CLEC4A: variants seen among roughly 807,000 people sequenced by gnomAD.
CLEC4A encodes the protein C-type (calcium dependent, carbohydrate-recognition domain) lectin, superfamily member 6.
In CLEC4A, 27 loss-of-function variants were observed where a neutral mutation model predicts 32.7. The observed-to-expected ratio is 0.83, with a 90% CI of 0.61 to 1.14. The LOEUF (loss-of-function observed/expected upper bound fraction) is 1.14, where lower values mean the gene tolerates loss of function less well. CLEC4A is among the 50% of genes most tolerant of loss of function. The probability of loss-of-function intolerance (pLI) is 0.00; values close to 1 mark genes in which losing one functional copy is unlikely to be tolerated. For synonymous variants in CLEC4A, 89 were observed against 93.7 expected (o/e 0.95, Z 0.29); for missense variants, 253 against 274.6 (o/e 0.92, Z 0.55).
chr12:8,117,243 T>C, the CLEC4A span, among the ~76,000 whole-genome samples: 3 of 141,514 alleles, frequency 2.1e-5, no homozygotes, highest in African/African-American at 7.9e-5. Flanking sequence ...TTTTTTTTTT[T>C]GTTTTTGTTT....
chr12:8,123,944 C>CA lies in CLEC4A; in HGVS notation c.67dup (p.Thr23AsnfsTer17), dbSNP rs1947859860. ...ATGAATTCAAGTCCTCAGGCATCAA[C>CA]ACAGCCTCTTCTGCAGGTAAAGATC... On this transcript the variant is annotated frameshift_variant, in exon 1 of 6. Transcript: ENST00000229332. LOFTEE classifies it high-confidence loss of function. 5 of 1,608,650 alleles carry CA rather than the reference C, an allele frequency of 3.1e-6. No individual in the cohort carries two copies. In the East Asian group the frequency reaches 1.1e-4, roughly 36 times the overall value.
chr12:8,111,509 C>T, the CLEC4A span, among the ~76,000 whole-genome samples: 3 of 152,152 alleles, frequency 2.0e-5, no homozygotes, highest in African/African-American at 7.2e-5. Context: ...CATTCTCTCT[C>T]TGTGTGTATC....
At chr12:8,103,350 T>C in the CLEC4A span, among the ~76,000 whole-genome samples, 1 of 29,730 alleles carries the variant, frequency 3.4e-5, no homozygotes, top group Admixed American at 7.4e-4. Context: ...TAAGAACTAC[T>C]AGTTGTTTCT....
chr12:8,123,656 T>C lies in CLEC4A; in HGVS notation c.-223T>C. The C allele has an allele frequency of 2.0e-6, 1 of 510,264 alleles. No individual in the cohort carries two copies. Among genetic ancestry groups the C allele is most frequent in the South Asian group, 2.5e-5 (1 of 40,516 alleles). The allele number at this position is 510,264 out of a possible 1,614,324, so 31.6% of individuals were successfully genotyped here. On this transcript the variant is annotated 5_prime_UTR_variant, in exon 1 of 6. Transcript: ENST00000229332. ...GCTGTGATTCTCACTATACTGGTCCTGAGGAAAGGGCTTCTGTGAACTGCG... is the reference window on the plus strand; with the variant it reads ...GCTGTGATTCTCACTATACTGGTCCCGAGGAAAGGGCTTCTGTGAACTGCG...
At chr12:8,117,420 G>A in the CLEC4A span, among the ~76,000 whole-genome samples, 2 of 152,030 alleles carry the variant, frequency 1.3e-5, no homozygotes, top group African/African-American at 4.8e-5. Flanking sequence ...TGTATTTTTA[G>A]TAGAGATGGG....
At chr12:8,134,568 G>A (rs1318698599) in intron 3 of CLEC4A, 15 of 1,613,542 alleles carry the variant, frequency 9.3e-6, no homozygotes, top group East Asian at 2.2e-5. Context: ...TTCGCCCTCA[G>A]GCTGAGAGGT....
At chr12:8,129,465 G>A (rs907545137) in intron 3 of CLEC4A, 103 bp downstream of exon 3, 1 of 777,996 alleles carries the variant, frequency 1.3e-6, no homozygotes, top group South Asian at 1.6e-5. Flanking sequence ...CTGAAAAGTT[G>A]AGTCTCACAA....
chr12:8,134,782 C>T (rs1198100954), intron 3 of CLEC4A: 1 of 1,552,806 alleles, frequency 6.4e-7, no homozygotes, highest in Admixed American at 1.9e-5. Context: ...GGCTCCGGCC[C>T]CCCTGGCCCA....
chr12:8,137,392 C>A (rs1948141137), intron 5 of CLEC4A, among the ~76,000 whole-genome samples: 1 of 152,140 alleles, frequency 6.6e-6, no homozygotes, highest in Non-Finnish European at 1.5e-5. Flanking sequence ...GATCCTCCCA[C>A]CCAAGTCTTC....
chr12:8,121,169 G>A (rs2024303), upstream of CLEC4A: 80,370 of 152,112 alleles, frequency 0.53, 24,105 homozygotes, highest in Non-Finnish European at 0.68. Context: ...TTGGTGATAC[G>A]GTGTAATCCA....
At position 8,138,164 on chromosome 12, in the gene CLEC4A, T is replaced by C. The variant is rs371672409; in HGVS notation, c.591T>C (p.Ser197=). The change falls in exon 6 of 6, where the codon AGT becomes AGC. Residue 197 remains serine (S), a synonymous_variant. Coordinates refer to ENST00000229332, the MANE Select transcript of CLEC4A (RefSeq NM_016184.4). ...GATTCTGGCATCCACGTGAGCCCAGTGATCCCAATGAGCGCTGCGTTGTGC... is the reference window on the plus strand; with the variant it reads ...GATTCTGGCATCCACGTGAGCCCAGCGATCCCAATGAGCGCTGCGTTGTGC... ...SSTFWHPREP[S]DPNERCVVLN... The C allele has an allele frequency of 2.0e-5, 32 of 1,613,964 alleles. No homozygotes were observed. In the African/African-American group the frequency reaches 4.0e-4, roughly 20 times the overall value.
rs1429202785 is a variant in CLEC4A at position 8,125,634 on chromosome 12, A to G, written c.156A>G (p.Ile52Met). 1.9e-6 allele frequency: 3 copies of G among 1,613,074 alleles called. No homozygotes were observed. The African/African-American group carries it at 4.0e-5, about 22-fold the overall frequency. ...FPKLLCASLL[I>M]FFLLLAISFF... ...AGCTGCTTTGTGCCTCACTGTTGAT[A>G]TTTTTCCTGCTATTGGCAATCTCAT... is the stretch of plus-strand genomic sequence containing the variant. The change falls in exon 2 of 6, where the codon ATA (isoleucine) becomes ATG (methionine). Residue 52 changes from isoleucine (I) to methionine (M), a missense_variant. Ile to Met is a conservative substitution (Grantham distance 10). Coordinates refer to ENST00000229332, the MANE Select transcript of CLEC4A (RefSeq NM_016184.4).
chr12:8,117,699 A>G, the CLEC4A span, among the ~76,000 whole-genome samples: 4 of 152,322 alleles, frequency 2.6e-5, no homozygotes, highest in East Asian at 5.8e-4. Context: ...AGATTGGATA[A>G]TAAATCTCAA....
intron 1 of CLEC4A, 124 bp from the exon 2 acceptor site, chr12:8,125,437 T>A: frequency 1.6e-6 from 1 of 623,054 alleles, no homozygotes; most frequent in East Asian, 2.7e-5. Context: ...TCTCATGTGA[T>A]TTCAAATGTC....
intron 5 of CLEC4A, 122 bp from the exon 6 acceptor site, chr12:8,138,018 G>T: frequency 9.6e-7 from 1 of 1,036,294 alleles, no homozygotes; most frequent in Non-Finnish European, 1.4e-6. Flanking sequence ...TAGCAGAAAG[G>T]TGGATTTGGG....
chr12:8,114,944 G>T, the CLEC4A span, among the ~76,000 whole-genome samples: 1 of 152,060 alleles, frequency 6.6e-6, no homozygotes, highest in Non-Finnish European at 1.5e-5. Flanking sequence ...CCAATTACTC[G>T]CTGAGAGGGA....
At chr12:8,133,855 C>A (rs1201680227) in intron 3 of CLEC4A, 41 of 1,584,974 alleles carry the variant, frequency 2.6e-5, no homozygotes, top group Non-Finnish European at 3.5e-5. Flanking sequence ...CCGAGGAGTA[C>A]AGTGCAGTGA....
chr12:8,120,145 G>C (rs775619245), upstream of CLEC4A, among the ~76,000 whole-genome samples: 1 of 152,152 alleles, frequency 6.6e-6, no homozygotes, highest in Non-Finnish European at 1.5e-5. Context: ...TCAGTGCCCA[G>C]AGTTTTTACT....
chr12:8,134,471 C>A, intron 3 of CLEC4A: 1 of 1,613,902 alleles, frequency 6.2e-7, no homozygotes, highest in Non-Finnish European at 8.5e-7. Flanking sequence ...GCTCCAGCTT[C>A]TCCTTCTCCA....
Sources: gnomAD v4.1 joint callset for allele counts (sites outside exome capture counted in the v4.1 genomes callset) on GRCh38, gnomAD v4.1.1 for gene constraint, MANE v1.5 for transcripts, NCBI Gene and HGNC (gene_info 2026-07-23, HGNC 2026-07-21) for gene names.